Variants in CAMK4 observed in about 807,000 individuals in gnomAD.
CAMK4 encodes calcium/calmodulin dependent protein kinase IV.
In CAMK4, 22 loss-of-function variants were observed where a neutral mutation model predicts 44.9. The observed-to-expected ratio is 0.49, with a 90% CI of 0.35 to 0.70. The LOEUF is 0.70. CAMK4 is among the 30% of genes least tolerant of loss of function. The probability of loss-of-function intolerance (pLI) is 0.01; values close to 1 mark genes in which losing one functional copy is unlikely to be tolerated. For synonymous variants in CAMK4, 218 were observed against 215.4 expected, an observed-to-expected ratio of 1.01 and a Z score of -0.11; for missense variants, 498 against 586.8, an observed-to-expected ratio of 0.85 and a Z score of 1.56.
chr5:111,299,778 C>G (rs771015703), intron 1 of CAMK4, among the ~76,000 whole-genome samples: 7 of 152,136 alleles, frequency 4.6e-5, no homozygotes, highest in Non-Finnish European at 1.0e-4. Flanking sequence ...ACAGGAAAAT[C>G]TGGAGACAAG....
intron 1 of CAMK4, among the ~76,000 whole-genome samples, chr5:111,283,344 A>G (rs1751100829): frequency 6.6e-6 from 1 of 152,178 alleles, no homozygotes; most frequent in Non-Finnish European, 1.5e-5. Flanking sequence ...ACATAAGAAA[A>G]ATTAATTAAG....
intron 2 of CAMK4, among the ~76,000 whole-genome samples, chr5:111,357,533 G>T (rs1288073687): frequency 7.7e-6 from 1 of 129,058 alleles, no homozygotes; most frequent in Non-Finnish European, 1.6e-5. Flanking sequence ...GGTGGCCAGA[G>T]TTGCATATAT....
Position 111,343,357 on chromosome 5 carries a change from G to A in CAMK4, c.162-667G>A, listed in dbSNP as rs558785066. 1.1e-4 allele frequency among the ~76,000 whole-genome samples: 17 copies of A among 151,846 alleles called. 1 individual carries two copies. The South Asian group carries it at 3.5e-3, about 32-fold the overall frequency. On this transcript the variant is annotated intron_variant, in intron 1 of 10. Coordinates refer to ENST00000282356, the MANE Select transcript of CAMK4 (RefSeq NM_001744.6). Reference sequence around the variant, plus strand: ...TTCTCTTTCTGAAGTTGAAGTGTAAGCCTGTTTGGTCTATATTTCTCTTTT... The same window carrying A: ...TTCTCTTTCTGAAGTTGAAGTGTAAACCTGTTTGGTCTATATTTCTCTTTT...
At chr5:111,396,739 G>C (rs1026151411) in intron 5 of CAMK4, among the ~76,000 whole-genome samples, 1 of 133,136 alleles carries the variant, frequency 7.5e-6, no homozygotes, top group East Asian at 2.4e-4. Flanking sequence ...CTCCCAGGTT[G>C]AAGTGATTCT....
At chr5:111,263,780 G>C (rs1750104844) in intron 1 of CAMK4, among the ~76,000 whole-genome samples, 1 of 152,144 alleles carries the variant, frequency 6.6e-6, no homozygotes, top group South Asian at 2.1e-4. Flanking sequence ...TCTAGACTCT[G>C]TAAAGGGCGG....
At chr5:111,313,203 C>T (rs1184661533) in intron 1 of CAMK4, among the ~76,000 whole-genome samples, 2 of 152,074 alleles carry the variant, frequency 1.3e-5, no homozygotes, top group Non-Finnish European at 2.9e-5. Context: ...ATATCCCTCT[C>T]CTCTGCCTAT....
intron 1 of CAMK4, among the ~76,000 whole-genome samples, chr5:111,280,932 G>A (rs1439740822): frequency 6.6e-6 from 1 of 152,208 alleles, no homozygotes; most frequent in African/African-American, 2.4e-5. Flanking sequence ...AAAAGCAGGG[G>A]AGTTTTTGGA....
intron 7 of CAMK4, among the ~76,000 whole-genome samples, chr5:111,458,104 C>T (rs568218109): frequency 6.6e-6 from 1 of 152,258 alleles, no homozygotes; most frequent in South Asian, 2.1e-4. Flanking sequence ...ACCCCATATC[C>T]ATCTCCCCTC....
chr5:111,388,171 C>T (rs902882120), intron 4 of CAMK4, among the ~76,000 whole-genome samples: 5 of 152,134 alleles, frequency 3.3e-5, no homozygotes, highest in African/African-American at 9.7e-5. Flanking sequence ...ATGCAGTGTG[C>T]GGAGTTCACA....
chr5:111,438,594 A>G (rs941588533), intron 5 of CAMK4, among the ~76,000 whole-genome samples: 2 of 152,120 alleles, frequency 1.3e-5, no homozygotes, highest in Non-Finnish European at 2.9e-5. Context: ...ATTCATGTAT[A>G]CTCCTTTATG....
chr5:111,405,354 G>A (rs1375481908), intron 5 of CAMK4, among the ~76,000 whole-genome samples: 1 of 152,158 alleles, frequency 6.6e-6, no homozygotes, highest in African/African-American at 2.4e-5. Context: ...TATAGTCCCA[G>A]CTACTCAGGA....
At chr5:111,260,743 A>G (rs984495722) in intron 1 of CAMK4, among the ~76,000 whole-genome samples, 1 of 152,076 alleles carries the variant, frequency 6.6e-6, no homozygotes, top group Admixed American at 6.6e-5. Flanking sequence ...TTTCCTAACC[A>G]TTAAAGATTC....
intron 2 of CAMK4, among the ~76,000 whole-genome samples, chr5:111,369,772 C>T (rs772552309): frequency 1.3e-5 from 2 of 152,146 alleles, no homozygotes; most frequent in African/African-American, 4.8e-5. Context: ...CATTTATGAA[C>T]GTGCTCTAAT....
chr5:111,292,185 C>T lies in CAMK4; in HGVS notation c.162-51839C>T, dbSNP rs535818937. On this transcript the variant is annotated intron_variant, in intron 1 of 10. Coordinates refer to ENST00000282356, the MANE Select transcript of CAMK4 (RefSeq NM_001744.6). ...TGACAATAGCACCAGGACAACGTGT[C>T]CTCATAATTATCTCCATGATATCAC... Among the ~76,000 whole-genome samples the T allele has an allele frequency of 2.6e-5, 4 of 152,272 alleles. No homozygotes were observed. In the East Asian group the frequency reaches 7.7e-4, roughly 29 times the overall value.
chr5:111,336,940 G>T (rs1749431348), intron 1 of CAMK4, among the ~76,000 whole-genome samples: 1 of 150,300 alleles, frequency 6.7e-6, no homozygotes, highest in African/African-American at 2.4e-5. Flanking sequence ...TAGTTCTTTT[G>T]GAAATTTTTT....
At chr5:111,403,739 C>T (rs1752315179) in intron 5 of CAMK4, among the ~76,000 whole-genome samples, 1 of 152,090 alleles carries the variant, frequency 6.6e-6, no homozygotes, top group African/African-American at 2.4e-5. Flanking sequence ...TATTGGGACA[C>T]AGAGGATCTA....
chr5:111,397,856 A>G (rs2112868503), intron 5 of CAMK4, among the ~76,000 whole-genome samples: 1 of 152,228 alleles, frequency 6.6e-6, no homozygotes, highest in East Asian at 1.9e-4. Context: ...GGAGAGGGAC[A>G]TGTGCCCCTC....
At chr5:111,390,890 C>A (rs1561457478) in intron 4 of CAMK4, among the ~76,000 whole-genome samples, 1 of 152,102 alleles carries the variant, frequency 6.6e-6, no homozygotes, top group African/African-American at 2.4e-5. Flanking sequence ...ATCACCTGTA[C>A]ACGAAGAAGC....
intron 1 of CAMK4, among the ~76,000 whole-genome samples, chr5:111,287,745 A>C (rs572905552): frequency 2.0e-4 from 31 of 152,322 alleles, no homozygotes; most frequent in African/African-American, 6.0e-4. Context: ...AGTGTTTAAA[A>C]GGTGGTTCTG....
Sources: gnomAD v4.1 joint callset for allele counts (sites outside exome capture counted in the v4.1 genomes callset) on GRCh38, gnomAD v4.1.1 for gene constraint, MANE v1.5 for transcripts, NCBI Gene and HGNC (gene_info 2026-07-23, HGNC 2026-07-21) for gene names.